ITSN1: variants seen among roughly 807,000 people sequenced by gnomAD.
ITSN1 encodes the protein intersectin 1, also known as intersectin-1.
A neutral mutation model predicts 239.8 loss-of-function variants in ITSN1; 58 were observed. The ratio of observed to expected loss-of-function variants is 0.24; its 90% CI spans 0.20 to 0.30. ITSN1 has a LOEUF of 0.30. Ranked by LOEUF, ITSN1 falls within the 10% of genes least tolerant of loss-of-function variation. The pLI is 1.00. For missense variants in ITSN1, 1,558 were observed against 2,103.3 expected (o/e 0.74, Z 5.07); for synonymous variants, 780 against 770.8 (o/e 1.01, Z -0.20).
chr21:33,727,949 C>G (rs2065928686), intron 4 of ITSN1, among the ~76,000 whole-genome samples: 1 of 151,648 alleles, frequency 6.6e-6, no homozygotes, highest in Non-Finnish European at 1.5e-5. Flanking sequence ...AGAGTCTAGT[C>G]TCCAAACAGC....
chr21:33,770,706 C>T (rs2069093247), intron 11 of ITSN1, among the ~76,000 whole-genome samples: 1 of 151,810 alleles, frequency 6.6e-6, no homozygotes, highest in Non-Finnish European at 1.5e-5. Flanking sequence ...TTTTGAGATT[C>T]ATCCACCTTG....
At chr21:33,868,876 C>T (rs1468640903) in intron 33 of ITSN1, among the ~76,000 whole-genome samples, 3 of 152,052 alleles carry the variant, frequency 2.0e-5, no homozygotes, top group African/African-American at 7.2e-5. Context: ...ACGCTGTCAC[C>T]TCTCAATACT....
In ITSN1 at chr21:33,811,125, G is replaced by T; in HGVS notation, c.2470G>T (p.Ala824Ser). The T allele has an allele frequency of 6.2e-7, 1 of 1,612,038 alleles. No homozygotes were observed. The highest frequency in any genetic ancestry group is 8.5e-7 in the Non-Finnish European group (1 of 1,179,562). ...KPVTDSTSAP[A>S]PKLALRETPA... Reference sequence around the variant, plus strand: ...AGTGACTGATTCAACATCTGCCCCTGCCCCCAAACTGGCCTTGCGTGAGAC... The same window carrying T: ...AGTGACTGATTCAACATCTGCCCCTTCCCCCAAACTGGCCTTGCGTGAGAC... Residue 824 changes from alanine (A) to serine (S), a missense_variant, in exon 21 of 40, where the codon GCC (alanine) becomes TCC (serine). Physicochemically the swap from Ala to Ser is moderately conservative, Grantham distance 99. Transcript: ENST00000381318.
chr21:33,721,658 C>T (rs535045993), intron 3 of ITSN1, among the ~76,000 whole-genome samples: 70 of 151,236 alleles, frequency 4.6e-4, no homozygotes, highest in African/African-American at 1.6e-3. Flanking sequence ...AGCTGGGTGT[C>T]GTGGTGGGCG....
At chr21:33,748,562 A>G (rs1601985046) in intron 5 of ITSN1, among the ~76,000 whole-genome samples, 1 of 152,246 alleles carries the variant, frequency 6.6e-6, no homozygotes, top group East Asian at 1.9e-4. Context: ...AGTAAAGGTC[A>G]GACATGGTGA....
At chr21:33,781,649 C>T (rs1321052819) in intron 15 of ITSN1, 101 bp downstream of exon 15, 9 of 685,650 alleles carry the variant, frequency 1.3e-5, no homozygotes, top group South Asian at 2.1e-5. Flanking sequence ...GGCGCAATCT[C>T]GGCCAACTGT....
intron 16 of ITSN1, among the ~76,000 whole-genome samples, chr21:33,784,588 A>C (rs1354528831): frequency 6.6e-6 from 1 of 152,262 alleles, no homozygotes; most frequent in East Asian, 1.9e-4. Context: ...TGGAGGACTT[A>C]GTGAATATGT....
Position 33,829,663 on chromosome 21 carries a change from C to T in ITSN1, c.3269C>T (p.Pro1090Leu), listed in dbSNP as rs1325641330. The T allele has an allele frequency of 3.1e-6, 5 of 1,612,490 alleles. No homozygotes were observed. Among genetic ancestry groups the T allele is most frequent in the Non-Finnish European group, 3.4e-6 (4 of 1,179,936 alleles). ...QVIASYTATG[P>L]EQLTLAPGQL... ...ATTGCCTCATACACCGCCACCGGCC[C>T]CGAGCAGCTCACTCTCGCCCCTGGT... Residue 1090 changes from proline (P) to leucine (L), a missense_variant, in exon 27 of 40, where the codon CCC (proline) becomes CTC (leucine). Physicochemically the swap from Pro to Leu is moderately conservative, Grantham distance 98. Around this residue, in one of 2 missense-constraint regions of ITSN1, gnomAD observed 576 missense variants for 893.3 expected, o/e 0.64. Transcript: ENST00000381318.
chr21:33,834,734 G>C (rs2074501996), intron 28 of ITSN1, among the ~76,000 whole-genome samples: 1 of 150,374 alleles, frequency 6.7e-6, no homozygotes, highest in Non-Finnish European at 1.5e-5. Context: ...TTAAATTGGG[G>C]TTTAGGCTAG....
intron 14 of ITSN1, among the ~76,000 whole-genome samples, chr21:33,778,116 G>T (rs987544939): frequency 1.3e-5 from 2 of 151,862 alleles, no homozygotes; most frequent in Non-Finnish European, 2.9e-5. Flanking sequence ...TCCATTCTTG[G>T]GATAAACCAC....
chr21:33,826,306 G>A (rs1043435444), intron 25 of ITSN1, among the ~76,000 whole-genome samples: 4 of 152,194 alleles, frequency 2.6e-5, no homozygotes, highest in African/African-American at 9.7e-5. Flanking sequence ...GGGAAGAGAG[G>A]TTCCAGTTGT....
At chr21:33,731,778 A>G (rs527803591) in intron 4 of ITSN1, among the ~76,000 whole-genome samples, 2 of 152,316 alleles carry the variant, frequency 1.3e-5, no homozygotes, top group South Asian at 4.1e-4. Flanking sequence ...TAATAAGTAG[A>G]AAGGAAACTA....
chr21:33,842,431 T>TA (rs2074854825), intron 29 of ITSN1, among the ~76,000 whole-genome samples: 1 of 152,224 alleles, frequency 6.6e-6, no homozygotes, highest in Non-Finnish European at 1.5e-5. Flanking sequence ...CCGTGCAACT[T>TA]AATGTTGGGC....
chr21:33,782,693 G>A (rs1675017270), intron 16 of ITSN1, among the ~76,000 whole-genome samples: 1 of 152,102 alleles, frequency 6.6e-6, no homozygotes, highest in South Asian at 2.1e-4. Context: ...TTCAGATTTG[G>A]TGTTTCTGAT....
At chr21:33,787,601 A>G (rs867883543) in intron 16 of ITSN1, among the ~76,000 whole-genome samples, 2 of 152,210 alleles carry the variant, frequency 1.3e-5, no homozygotes, top group South Asian at 2.1e-4. Flanking sequence ...AGGCTCATTC[A>G]TTATGAAGGC....
chr21:33,880,192 T>C (rs1984673029), intron 34 of ITSN1, among the ~76,000 whole-genome samples: 1 of 152,178 alleles, frequency 6.6e-6, no homozygotes, highest in African/African-American at 2.4e-5. Flanking sequence ...ACACCAGTGA[T>C]TAAGTTTCAA....
At chr21:33,657,905 G>A (rs1466272642) in intron 1 of ITSN1, among the ~76,000 whole-genome samples, 1 of 152,116 alleles carries the variant, frequency 6.6e-6, no homozygotes, top group African/African-American at 2.4e-5. Context: ...AGGATTGCTT[G>A]AGCCCAGGAA....
chr21:33,709,463 C>A (rs2092349786), intron 1 of ITSN1, among the ~76,000 whole-genome samples: 1 of 152,054 alleles, frequency 6.6e-6, no homozygotes, highest in Admixed American at 6.6e-5. Context: ...TGCCACCATG[C>A]CTGGCTGATT....
intron 4 of ITSN1, among the ~76,000 whole-genome samples, chr21:33,724,656 A>G (rs2065707612): frequency 6.6e-6 from 1 of 152,176 alleles, no homozygotes; most frequent in African/African-American, 2.4e-5. Flanking sequence ...TGGGCCAGGG[A>G]CTGTTAAGAG....
Sources: gnomAD v4.1 joint callset for allele counts (sites outside exome capture counted in the v4.1 genomes callset) on GRCh38, gnomAD v4.1.1 for gene constraint, gnomAD v4.1.1 regional missense constraint, MANE v1.5 for transcripts, NCBI Gene and HGNC (gene_info 2026-07-23, HGNC 2026-07-21) for gene names.